The following ASTN1 variants were observed in gnomAD, a reference collection of about 807,000 sequenced individuals.
The protein encoded by ASTN1 is astrotactin 1.
ASTN1 carries 41 observed loss-of-function variants against 140.7 expected under a neutral mutation model. The observed-to-expected ratio is 0.29, with a 90% CI of 0.23 to 0.38. ASTN1 has a LOEUF of 0.38. Ranked by LOEUF, ASTN1 falls within the 10% of genes least tolerant of loss-of-function variation. The pLI is 1.00. For missense variants in ASTN1, 1,479 were observed against 1,678.8 expected, an observed-to-expected ratio of 0.88 and a Z score of 2.08; for synonymous variants, 640 against 652.2, an observed-to-expected ratio of 0.98 and a Z score of 0.29.
In ASTN1 at chr1:176,862,748, A is replaced by G. The variant is rs1172127673; in HGVS notation, c.*1536T>C. 1 of 945,516 alleles carries G rather than the reference A, an allele frequency of 1.1e-6. No individual in the cohort carries two copies. The highest frequency in any genetic ancestry group is 6.2e-5 in the Admixed American group (1 of 16,212). The allele number at this position is 945,516 out of a possible 1,614,324, so 58.6% of individuals were successfully genotyped here. A position where few individuals can be genotyped will look rare whatever the true frequency, so the allele number is the denominator to read the frequency against. ...AGCACTTTCCTCAGGAGTTGCTGTG[A>G]GAATTCAATGATACCTAAAGTGCTT... On this transcript the variant is annotated 3_prime_UTR_variant, in exon 23 of 23. Transcript: ENST00000361833.
intron 8 of ASTN1, among the ~76,000 whole-genome samples, chr1:177,011,792 G>A (rs916006345): frequency 6.6e-6 from 1 of 151,928 alleles, no homozygotes; most frequent in African/African-American, 2.4e-5. Flanking sequence ...AGGAGGCAGA[G>A]GCTGGGTAAA....
intron 8 of ASTN1, among the ~76,000 whole-genome samples, chr1:176,978,153 G>T (rs1673445435): frequency 6.6e-6 from 1 of 152,168 alleles, no homozygotes; most frequent in African/African-American, 2.4e-5. Flanking sequence ...GAGGTGGGTG[G>T]ATGTGATGGA....
intron 16 of ASTN1, among the ~76,000 whole-genome samples, chr1:176,915,294 T>C (rs912293893): frequency 6.6e-6 from 1 of 152,178 alleles, no homozygotes; most frequent in Admixed American, 6.5e-5. Flanking sequence ...CCTTACAATA[T>C]TCTCATTAAC....
At chr1:176,937,710 AT>A (rs1671510224) in intron 14 of ASTN1, among the ~76,000 whole-genome samples, 1 of 152,178 alleles carries the variant, frequency 6.6e-6, no homozygotes. Context: ...GTGTGTACAT[AT>A]TTATATATAT....
intron 17 of ASTN1, among the ~76,000 whole-genome samples, chr1:176,889,442 C>T (rs928247183): frequency 6.6e-6 from 1 of 151,870 alleles, no homozygotes; most frequent in Admixed American, 6.6e-5. Context: ...CCTGGCTATC[C>T]TTGAAAATTT....
chr1:177,013,115 C>T (rs1675374582), intron 8 of ASTN1, among the ~76,000 whole-genome samples: 1 of 152,168 alleles, frequency 6.6e-6, no homozygotes, highest in Admixed American at 6.5e-5. Context: ...CCCTTCTCCC[C>T]AATCTTTCAA....
At chr1:177,154,762 A>T (rs1683172470) in intron 1 of ASTN1, among the ~76,000 whole-genome samples, 1 of 152,152 alleles carries the variant, frequency 6.6e-6, no homozygotes. Context: ...AAAGGAAAAG[A>T]AGCAAATAGG....
chr1:177,003,435 T>C (rs1674838330), intron 8 of ASTN1, among the ~76,000 whole-genome samples: 1 of 152,154 alleles, frequency 6.6e-6, no homozygotes, highest in Admixed American at 6.5e-5. Context: ...TGATAAAATT[T>C]CAGCAACTCT....
Position 176,958,479 on chromosome 1 carries a change from G to T in ASTN1, c.1602C>A (p.Phe534Leu), listed in dbSNP as rs760735595. 6.2e-7 allele frequency: 1 copy of T among 1,609,964 alleles called. No homozygotes were observed. Among genetic ancestry groups the T allele is most frequent in the East Asian group, 2.2e-5 (1 of 44,680 alleles). ...GEQPSDKIFR[F>L]TYTLGEGMWL... ...ACATGCCCTCCCCAAGAGTGTAGGT[G>T]AATCTGCAGGGACACCCAGTGCCAG... Residue 534 changes from phenylalanine to leucine, a missense_variant, in exon 10 of 23, where the codon TTC becomes TTA. By Grantham distance (22) the Phe-to-Leu change is conservative. This residue lies in a region of ASTN1 where 729 missense variants were observed against 860.4 expected (regional missense o/e 0.85). Coordinates refer to ENST00000361833, the MANE Select transcript of ASTN1 (RefSeq NM_004319.3).
At chr1:177,150,137 T>C (rs1314379202) in intron 1 of ASTN1, among the ~76,000 whole-genome samples, 4 of 152,016 alleles carry the variant, frequency 2.6e-5, no homozygotes, top group Non-Finnish European at 4.4e-5. Context: ...TAGCCTCAAC[T>C]ACAAGGCAAC....
chr1:177,021,584 G>A (rs1675827697), intron 7 of ASTN1, among the ~76,000 whole-genome samples: 1 of 152,160 alleles, frequency 6.6e-6, no homozygotes, highest in East Asian at 1.9e-4. Flanking sequence ...TGGGACTTTG[G>A]GCAAATCGTG....
chr1:176,996,287 T>A (rs146733333), intron 8 of ASTN1, among the ~76,000 whole-genome samples: 7,359 of 137,788 alleles, frequency 0.053, 281 homozygotes, highest in African/African-American at 0.11. Flanking sequence ...TCTCTCTCTC[T>A]CTCACACACA....
intron 21 of ASTN1, among the ~76,000 whole-genome samples, chr1:176,870,193 C>T (rs1668281268): frequency 6.6e-6 from 1 of 152,194 alleles, no homozygotes; most frequent in African/African-American, 2.4e-5. Flanking sequence ...CTCTAAACAG[C>T]TTGGAAACTA....
At chr1:177,008,345 T>G (rs1370878262) in intron 8 of ASTN1, among the ~76,000 whole-genome samples, 1 of 151,184 alleles carries the variant, frequency 6.6e-6, no homozygotes, top group African/African-American at 2.4e-5. Flanking sequence ...GCATTTTCAT[T>G]GACTCCTAGG....
At chr1:176,931,011 G>C (rs1024076761) in intron 16 of ASTN1, among the ~76,000 whole-genome samples, 1 of 152,074 alleles carries the variant, frequency 6.6e-6, no homozygotes, top group African/African-American at 2.4e-5. Context: ...GATGGGCGCC[G>C]GCACGCAGGT....
intron 1 of ASTN1, among the ~76,000 whole-genome samples, chr1:177,132,796 T>C (rs1682002928): frequency 6.6e-6 from 1 of 152,210 alleles, no homozygotes; most frequent in African/African-American, 2.4e-5. Context: ...ACTGCTATGA[T>C]GCCAGTAAAG....
At chr1:177,091,512 G>A (rs191103528) in intron 1 of ASTN1, among the ~76,000 whole-genome samples, 12 of 152,144 alleles carry the variant, frequency 7.9e-5, no homozygotes, top group Admixed American at 2.6e-4. Context: ...CTAGCTTCAC[G>A]TAACTTATAA....
intron 2 of ASTN1, among the ~76,000 whole-genome samples, chr1:177,048,830 C>T (rs996475242): frequency 1.3e-5 from 2 of 152,214 alleles, no homozygotes; most frequent in South Asian, 4.1e-4. Context: ...GGCAATGGCT[C>T]TGAACCAGCA....
rs1367596084 is a variant in ASTN1, at chr1:177,032,499, G to A, written c.822C>T (p.Ser274=). Residue 274 remains serine, a synonymous_variant, in exon 3 of 23, where the codon TCC becomes TCT. Coordinates refer to ENST00000361833, the MANE Select transcript of ASTN1 (RefSeq NM_004319.3). ...FASQVTRTLD[S]LQGCNEKSGM... is the part of the protein sequence containing the mutation. ...CCGACTTTTCATTGCAGCCCTGCAG[G>A]GAGTCGAGGGTGCGCGTGACCTGGC... is the stretch of plus-strand genomic sequence containing the variant. 1 of 1,613,970 alleles carries A rather than the reference G, an allele frequency of 6.2e-7. No homozygotes were observed.
Sources: gnomAD v4.1 joint callset for allele counts (sites outside exome capture counted in the v4.1 genomes callset) on GRCh38, gnomAD v4.1.1 for gene constraint, gnomAD v4.1.1 regional missense constraint, MANE v1.5 for transcripts, NCBI Gene and HGNC (gene_info 2026-07-23, HGNC 2026-07-21) for gene names.